BCR: variants seen among roughly 807,000 people sequenced by gnomAD.
BCR encodes the protein BCR activator of RhoGEF and GTPase, also known as breakpoint cluster region protein.
A neutral mutation model predicts 138.6 loss-of-function variants in BCR; 58 were observed. That is an observed-to-expected ratio of 0.42 (90% confidence interval 0.34 to 0.52). The LOEUF (loss-of-function observed/expected upper bound fraction) is 0.52, where lower values mean the gene tolerates loss of function less well. Ranked by LOEUF, BCR falls within the 20% of genes least tolerant of loss-of-function variation. The pLI is 0.06. For synonymous variants in BCR, 786 were observed against 730.1 expected (o/e 1.08, Z -1.23); for missense variants, 1,599 against 1,727.2 (o/e 0.93, Z 1.32).
At chr22:23,263,589 G>A in intron 4 of BCR, 2 of 1,544,986 alleles carry the variant, frequency 1.3e-6, no homozygotes, top group East Asian at 2.3e-5. Flanking sequence ...GCCTCTGGGA[G>A]TCTGCTGGGC....
chr22:23,310,580 T>C, intron 18 of BCR, 147 bp downstream of exon 18: 2 of 599,000 alleles, frequency 3.3e-6, no homozygotes, highest in Non-Finnish European at 3.1e-6. Context: ...CGTCTTCAGC[T>C]ACCTCCTGTG....
chr22:23,276,522 G>C (rs960795014), intron 8 of BCR, among the ~76,000 whole-genome samples: 5 of 152,260 alleles, frequency 3.3e-5, no homozygotes, highest in Non-Finnish European at 5.9e-5. Context: ...GGTCACCTGG[G>C]TGCCTTAGCT....
At chr22:23,231,552 T>TAAAATAAAATAAAATAAAATAAAA (rs1568945035) in intron 1 of BCR, among the ~76,000 whole-genome samples, 1 of 57,582 alleles carries the variant, frequency 1.7e-5, no homozygotes, top group Non-Finnish European at 3.9e-5. Context: ...ATAAAATAAA[T>TAAAATAAAATAAAATAAAATAAAA]AAAATACCAA....
At chr22:23,273,422 G>A (rs944246328) in intron 7 of BCR, among the ~76,000 whole-genome samples, 3 of 152,196 alleles carry the variant, frequency 2.0e-5, no homozygotes, top group Non-Finnish European at 2.9e-5. Flanking sequence ...TGCATGCAGC[G>A]TGAGTTTGCT....
At chr22:23,252,820 T>A (rs147698445) in intron 1 of BCR, among the ~76,000 whole-genome samples, 9 of 152,210 alleles carry the variant, frequency 5.9e-5, no homozygotes, top group Non-Finnish European at 1.2e-4. Flanking sequence ...AGAACACTTA[T>A]GTGACCAAAT....
intron 1 of BCR, among the ~76,000 whole-genome samples, chr22:23,226,845 T>C (rs1402586419): frequency 6.6e-6 from 1 of 152,180 alleles, no homozygotes; most frequent in Non-Finnish European, 1.5e-5. Context: ...TCTTTTCAAC[T>C]AGGTTCAATA....
intron 1 of BCR, among the ~76,000 whole-genome samples, chr22:23,185,553 T>C (rs1436448240): frequency 1.3e-5 from 2 of 151,182 alleles, no homozygotes; most frequent in Non-Finnish European, 3.0e-5. Flanking sequence ...TAGTCCCAGC[T>C]ACTCGGGAGG....
chr22:23,184,023 G>A (rs1161361586), intron 1 of BCR, among the ~76,000 whole-genome samples: 22 of 152,172 alleles, frequency 1.4e-4, no homozygotes, highest in African/African-American at 5.3e-4. Context: ...ATTCTTCTCC[G>A]AATGTCCTCA....
At chr22:23,300,488 AG>A (rs1184324467) in intron 16 of BCR, among the ~76,000 whole-genome samples, 1 of 152,110 alleles carries the variant, frequency 6.6e-6, no homozygotes, top group East Asian at 1.9e-4. Context: ...TGGCATGGTC[AG>A]TGCTGTTGTG....
chr22:23,243,637 C>T (rs2073123070), intron 1 of BCR, among the ~76,000 whole-genome samples: 1 of 150,474 alleles, frequency 6.6e-6, no homozygotes, highest in South Asian at 2.1e-4. Context: ...ATTCTGTGAG[C>T]TGTTCTAGCA....
chr22:23,292,796 T>TC, intron 15 of BCR, among the ~76,000 whole-genome samples, 158 bp downstream of exon 15: 1 of 152,346 alleles, frequency 6.6e-6, no homozygotes, highest in African/African-American at 2.4e-5. Flanking sequence ...AGGTGACGTG[T>TC]CCAAGAGATT....
intron 16 of BCR, among the ~76,000 whole-genome samples, chr22:23,297,221 G>T (rs77712299): frequency 0.28 from 31,485 of 112,090 alleles, 4,048 homozygotes; most frequent in African/African-American, 0.33. Flanking sequence ...TTTGTTTTTT[G>T]TTTTTTTTTT....
At chr22:23,282,339 G>A (rs1295291555) in intron 8 of BCR, among the ~76,000 whole-genome samples, 1 of 152,246 alleles carries the variant, frequency 6.6e-6, no homozygotes, top group Non-Finnish European at 1.5e-5. Flanking sequence ...CGGGGTGTGG[G>A]TGAGTGCCGA....
At position 23,285,196 on chromosome 22, in the gene BCR, G is replaced by C; in HGVS notation, c.2401G>C (p.Glu801Gln). 1.2e-6 allele frequency: 2 copies of C among 1,612,040 alleles called. No individual in the cohort carries two copies. Among genetic ancestry groups the C allele is most frequent in the Non-Finnish European group, 1.7e-6 (2 of 1,179,346 alleles). The change falls in exon 10 of 23, where the codon GAG (glutamate) becomes CAG (glutamine). Residue 801 changes from glutamate (E) to glutamine (Q), a missense_variant. Coordinates refer to ENST00000305877, the MANE Select transcript of BCR (RefSeq NM_004327.4). ...ISQIKNDIQR[E>Q]KRANKGSKAT... ...CCAGATCAAGAATGACATCCAGAGA[G>C]AGAAGGTGCACACCAGGGGAGCAAG...
At chr22:23,245,670 A>G (rs1456119420) in intron 1 of BCR, among the ~76,000 whole-genome samples, 1 of 152,052 alleles carries the variant, frequency 6.6e-6, no homozygotes, top group Non-Finnish European at 1.5e-5. Context: ...CTCCGAAAGC[A>G]CTCACTGCAT....
chr22:23,208,574 CAG>C (rs1374601061), intron 1 of BCR, among the ~76,000 whole-genome samples: 1 of 152,202 alleles, frequency 6.6e-6, no homozygotes, highest in Non-Finnish European at 1.5e-5. Context: ...TGGACTCAGC[CAG>C]GCACTGTGGC....
chr22:23,185,515 A>G (rs1278756443), intron 1 of BCR, among the ~76,000 whole-genome samples: 1 of 151,718 alleles, frequency 6.6e-6, no homozygotes, highest in Non-Finnish European at 1.5e-5. Flanking sequence ...AATACAAAAA[A>G]TTAGCCGGGT....
intron 1 of BCR, among the ~76,000 whole-genome samples, chr22:23,206,588 A>AAAG: frequency 6.6e-6 from 1 of 152,280 alleles, no homozygotes; most frequent in African/African-American, 2.4e-5. Flanking sequence ...AAAAAAAAAA[A>AAAG]AAAAGTTAAG....
chr22:23,310,786 C>A (rs1254271810), intron 18 of BCR, among the ~76,000 whole-genome samples: 1 of 152,204 alleles, frequency 6.6e-6, no homozygotes, highest in African/African-American at 2.4e-5. Context: ...GGTTTGAGAG[C>A]AGTTCATGCA....
Sources: allele counts gnomAD v4.1 joint callset (sites outside exome capture counted in the v4.1 genomes callset), GRCh38; gene constraint gnomAD v4.1.1; transcripts MANE v1.5; gene names NCBI Gene and HGNC (gene_info 2026-07-23, HGNC 2026-07-21).